Variants in TIMP2 observed in about 807,000 individuals in gnomAD.
The protein encoded by TIMP2 is TIMP metallopeptidase inhibitor 2.
A neutral mutation model predicts 24.3 loss-of-function variants in TIMP2; 5 were observed. The observed-to-expected ratio is 0.21, with a 90% CI of 0.11 to 0.43. TIMP2 has a LOEUF of 0.43. Among genes scored for constraint, TIMP2 ranks in the 20% least tolerant of loss-of-function variants. TIMP2 has a pLI of 1.00. For missense variants in TIMP2, 221 were observed against 297.5 expected (o/e 0.74, Z 1.89); for synonymous variants, 130 against 123.2 (o/e 1.06, Z -0.37).
chr17:78,923,058 C>A (rs1286078097), intron 1 of TIMP2, among the ~76,000 whole-genome samples: 3 of 152,088 alleles, frequency 2.0e-5, no homozygotes, highest in Non-Finnish European at 4.4e-5. Flanking sequence ...TTTGTCACAG[C>A]GGCCACAGGA....
At chr17:78,892,606 G>T in intron 1 of TIMP2, 1 of 1,275,914 alleles carries the variant, frequency 7.8e-7, no homozygotes, top group Non-Finnish European at 1.1e-6. Flanking sequence ...GCCCACCAGG[G>T]CCCACTCTCA....
At chr17:78,914,115 T>C (rs887554222) in intron 1 of TIMP2, among the ~76,000 whole-genome samples, 3 of 152,048 alleles carry the variant, frequency 2.0e-5, no homozygotes, top group Non-Finnish European at 2.9e-5. Context: ...AGGGCTGACC[T>C]GGGAGAGCAG....
In TIMP2 at chr17:78,909,860, A is replaced by G. The variant is rs62074399; in HGVS notation, c.130+15099T>C. Among the ~76,000 whole-genome samples, 1,150 of 152,170 alleles carry G rather than the reference A, an allele frequency of 7.6e-3. 10 individuals carry two copies. Among genetic ancestry groups the G allele is most frequent in the Middle Eastern group, 0.014 (4 of 294 alleles). On this transcript the variant is annotated intron_variant, in intron 1 of 4. Transcript: ENST00000262768. ...GTGACCCAGGCAGTGTGGATTCTCA[A>G]CTAGCTGGAGCAAACAGGGAACTAG...
chr17:78,882,245 T>G (rs2069786521), intron 1 of TIMP2, among the ~76,000 whole-genome samples: 1 of 152,228 alleles, frequency 6.6e-6, no homozygotes, highest in South Asian at 2.1e-4. Context: ...GTGCTGGGAT[T>G]ACAGGCGTGA....
intron 1 of TIMP2, among the ~76,000 whole-genome samples, chr17:78,879,185 A>G (rs1286148488): frequency 6.6e-6 from 1 of 152,246 alleles, no homozygotes; most frequent in African/African-American, 2.4e-5. Context: ...TCCAGGCAAG[A>G]TGACAGACGA....
intron 1 of TIMP2, among the ~76,000 whole-genome samples, chr17:78,889,076 G>A (rs766057361): frequency 1.2e-4 from 19 of 152,182 alleles, no homozygotes; most frequent in South Asian, 2.1e-4. Flanking sequence ...ACCTGGCCAC[G>A]CCCTTTCATT....
chr17:78,891,260 T>C lies in TIMP2; in HGVS notation c.131-17341A>G, dbSNP rs930819405. ...CAAGTCGGTCTTGGACGCTGCCTGC[T>C]GCGCCTCCTCCTCTGCTGGGCTCCT... On this transcript the variant is annotated intron_variant, in intron 1 of 4. Transcript: ENST00000262768. This position sits in a 1 kb window ranked among gnomAD's most constrained non-coding sequence, Gnocchi z 4.5. 113 of 1,550,556 alleles carry C rather than the reference T, an allele frequency of 7.3e-5. No individual in the cohort carries two copies. The highest frequency in any genetic ancestry group is 9.8e-5 in the Non-Finnish European group (112 of 1,147,032).
At chr17:78,893,512 TGC>T (rs2069951098) in intron 1 of TIMP2, among the ~76,000 whole-genome samples, 1 of 148,320 alleles carries the variant, frequency 6.7e-6, no homozygotes, top group African/African-American at 2.6e-5. Flanking sequence ...CAGGGGTGTG[TGC>T]GTGTGCACAT....
intron 1 of TIMP2, among the ~76,000 whole-genome samples, chr17:78,922,812 A>G (rs2070317792): frequency 6.6e-6 from 1 of 152,154 alleles, no homozygotes; most frequent in African/African-American, 2.4e-5. Context: ...AAAAAAAAGA[A>G]CAGGGAAATT....
chr17:78,866,812 A>T (rs1443050756), intron 3 of TIMP2, among the ~76,000 whole-genome samples: 2 of 152,160 alleles, frequency 1.3e-5, no homozygotes, highest in Admixed American at 1.3e-4. Context: ...TTCCCAGGAA[A>T]GCCCAGCATA....
intron 1 of TIMP2, among the ~76,000 whole-genome samples, chr17:78,878,035 CCGCACAATGCTTAA>C (rs2069744200): frequency 6.6e-6 from 1 of 152,164 alleles, no homozygotes; most frequent in East Asian, 1.9e-4. Flanking sequence ...GTCCACTAAG[CCGCACAATGCTTAA>C]CGCACAATAG....
At chr17:78,878,868 C>T (rs2069753405) in intron 1 of TIMP2, among the ~76,000 whole-genome samples, 1 of 152,024 alleles carries the variant, frequency 6.6e-6, no homozygotes, top group African/African-American at 2.4e-5. Context: ...GGGGTGGGCA[C>T]CTCCTCCCCC....
chr17:78,917,942 T>C (rs921028486), intron 1 of TIMP2, among the ~76,000 whole-genome samples: 2 of 151,886 alleles, frequency 1.3e-5, no homozygotes, highest in African/African-American at 2.4e-5. Flanking sequence ...AACAGAAGAC[T>C]CGAAACCTAT....
At chr17:78,919,436 T>C (rs1439426017) in intron 1 of TIMP2, among the ~76,000 whole-genome samples, 2 of 152,214 alleles carry the variant, frequency 1.3e-5, no homozygotes, top group Non-Finnish European at 2.9e-5. Flanking sequence ...CACCCCACCC[T>C]GCTGCCGCTA....
chr17:78,888,152 TTTC>T (rs1357968110), intron 1 of TIMP2, among the ~76,000 whole-genome samples: 192 of 146,710 alleles, frequency 1.3e-3, no homozygotes, highest in African/African-American at 4.9e-3. Context: ...TATCTTTTTG[TTTC>T]TTTTTTTTTT....
chr17:78,921,494 A>C (rs2070308351), intron 1 of TIMP2, among the ~76,000 whole-genome samples: 1 of 152,212 alleles, frequency 6.6e-6, no homozygotes, highest in Non-Finnish European at 1.5e-5. Flanking sequence ...GGGCCCAAGC[A>C]GCCCGAGTCT....
intron 2 of TIMP2, 26 bp downstream of exon 2, chr17:78,873,793 C>T: frequency 6.3e-7 from 1 of 1,596,646 alleles, no homozygotes; most frequent in South Asian, 1.1e-5. Flanking sequence ...CACAGTGCAG[C>T]CCGGGATGCC....
At chr17:78,884,433 C>T (rs1157336380) in intron 1 of TIMP2, among the ~76,000 whole-genome samples, 2 of 152,194 alleles carry the variant, frequency 1.3e-5, no homozygotes, top group Non-Finnish European at 2.9e-5. Context: ...GTCATGTGGC[C>T]TGTGGGCTGA....
At chr17:78,870,333 T>C (rs1474638291) in intron 3 of TIMP2, among the ~76,000 whole-genome samples, 1 of 151,418 alleles carries the variant, frequency 6.6e-6, no homozygotes, top group African/African-American at 2.4e-5. Context: ...GGAGAATCGC[T>C]TGAACCCAGG....
Sources: allele counts gnomAD v4.1 joint callset (sites outside exome capture counted in the v4.1 genomes callset), GRCh38; gene constraint gnomAD v4.1.1; non-coding constraint Gnocchi (gnomAD v3.1); transcripts MANE v1.5; gene names NCBI Gene and HGNC (gene_info 2026-07-23, HGNC 2026-07-21).